Variants in HPSE2 observed in about 807,000 individuals in gnomAD.
The protein encoded by HPSE2 is heparanase 2 (inactive).
HPSE2 carries 38 observed loss-of-function variants against 60.5 expected under a neutral mutation model. That is an observed-to-expected ratio of 0.63 (90% CI 0.48 to 0.82). The LOEUF (loss-of-function observed/expected upper bound fraction) is 0.82. Among genes scored for constraint, HPSE2 ranks in the 40% least tolerant of loss-of-function variants. The pLI is 0.00. For synonymous variants in HPSE2, 295 were observed against 293.2 expected (o/e 1.01, Z -0.06); for missense variants, 713 against 740.4 (o/e 0.96, Z 0.43).
At position 98,748,913 on chromosome 10, in the gene HPSE2, A is replaced by C. The variant is rs1949690188; in HGVS notation, c.611-4857T>G. ...AAACCATTAGATTAATCAAACAGTG[A>C]GGTTAGAAATTAGATTTAGGTTGTG... is the stretch of plus-strand genomic sequence containing the variant. On this transcript the variant is annotated intron_variant, in intron 3 of 11. Transcript: ENST00000370552. Among the ~76,000 whole-genome samples the C allele has an allele frequency of 2.0e-5, 3 of 152,140 alleles. No individual in the cohort carries two copies. In the South Asian group the frequency reaches 6.2e-4, roughly 32 times the overall value.
At chr10:98,955,063 G>A (rs932902164) in intron 3 of HPSE2, among the ~76,000 whole-genome samples, 2 of 150,936 alleles carry the variant, frequency 1.3e-5, no homozygotes, top group Non-Finnish European at 2.9e-5. Flanking sequence ...CAAAAGAATG[G>A]TGATTCACTG....
intron 4 of HPSE2, among the ~76,000 whole-genome samples, chr10:98,725,219 T>C (rs1346906051): frequency 3.3e-5 from 5 of 152,096 alleles, no homozygotes; most frequent in South Asian, 2.1e-4. Context: ...GGAGGCATCA[T>C]GCTACCTGAC....
At chr10:98,496,893 TA>T (rs992956302) in intron 9 of HPSE2, among the ~76,000 whole-genome samples, 118 of 151,572 alleles carry the variant, frequency 7.8e-4, no homozygotes, top group African/African-American at 2.3e-3. Flanking sequence ...CATGGAGAAT[TA>T]AAAAAAAATT....
At chr10:98,814,793 A>C (rs1404123829) in intron 3 of HPSE2, among the ~76,000 whole-genome samples, 2 of 152,178 alleles carry the variant, frequency 1.3e-5, no homozygotes, top group African/African-American at 4.8e-5. Flanking sequence ...TAAAACAGCC[A>C]TTATTTGTTG....
intron 9 of HPSE2, among the ~76,000 whole-genome samples, chr10:98,491,212 T>C (rs901143431): frequency 2.7e-4 from 41 of 152,146 alleles, no homozygotes; most frequent in Non-Finnish European, 2.9e-5. Context: ...GATAATCTTT[T>C]TTTTTTTTCT....
At chr10:98,803,415 G>A (rs1476974906) in intron 3 of HPSE2, among the ~76,000 whole-genome samples, 2 of 150,972 alleles carry the variant, frequency 1.3e-5, no homozygotes, top group Non-Finnish European at 2.9e-5. Context: ...GTCCTGAATG[G>A]TAATGCCTAG....
chr10:98,689,166 TA>T (rs962589609), intron 6 of HPSE2, among the ~76,000 whole-genome samples: 13 of 151,146 alleles, frequency 8.6e-5, no homozygotes, highest in South Asian at 2.1e-4. Context: ...AGCTTTGATT[TA>T]AAAAAAAAAT....
chr10:98,833,463 A>G (rs1951726644), intron 3 of HPSE2, among the ~76,000 whole-genome samples: 3 of 152,216 alleles, frequency 2.0e-5, no homozygotes, highest in Admixed American at 6.5e-5. Flanking sequence ...GTTTTAAAAC[A>G]TTACTATCAA....
chr10:99,165,326 A>C (rs939232873), intron 2 of HPSE2, among the ~76,000 whole-genome samples: 7 of 151,930 alleles, frequency 4.6e-5, no homozygotes, highest in African/African-American at 1.7e-4. Context: ...ATTCAAAATA[A>C]AGTTATTCAG....
intron 2 of HPSE2, among the ~76,000 whole-genome samples, chr10:99,164,666 T>C (rs1282555124): frequency 2.0e-5 from 3 of 152,202 alleles, no homozygotes; most frequent in South Asian, 2.1e-4. Flanking sequence ...ATAATATCTA[T>C]ATTTATTTCA....
intron 9 of HPSE2, among the ~76,000 whole-genome samples, chr10:98,605,518 T>C (rs1386864929): frequency 6.6e-6 from 1 of 152,244 alleles, no homozygotes; most frequent in African/African-American, 2.4e-5. Flanking sequence ...CCAAATGTTC[T>C]GCCATTCTCG....
intron 3 of HPSE2, among the ~76,000 whole-genome samples, chr10:98,968,831 T>C (rs1275205666): frequency 6.6e-6 from 1 of 151,286 alleles, no homozygotes; most frequent in Non-Finnish European, 1.5e-5. Context: ...TAATAGACTC[T>C]GGGGAGTTGG....
chr10:98,925,119 T>A (rs1175349170), intron 3 of HPSE2, among the ~76,000 whole-genome samples: 18 of 152,216 alleles, frequency 1.2e-4, no homozygotes, highest in Admixed American at 1.2e-3. Context: ...GTGTCAGTGA[T>A]TCTAAAGTAT....
At chr10:98,608,121 C>T (rs1471801217) in intron 9 of HPSE2, among the ~76,000 whole-genome samples, 1 of 152,118 alleles carries the variant, frequency 6.6e-6, no homozygotes, top group Non-Finnish European at 1.5e-5. Flanking sequence ...AATCCAAGGA[C>T]ATATAGCTAG....
chr10:98,474,773 C>A (rs930396722), intron 11 of HPSE2, among the ~76,000 whole-genome samples: 2 of 151,982 alleles, frequency 1.3e-5, no homozygotes, highest in Admixed American at 6.5e-5. Flanking sequence ...TAATATGGAA[C>A]CTATTAGCCC....
chr10:99,104,667 G>A (rs1264762745), intron 3 of HPSE2, among the ~76,000 whole-genome samples: 2 of 152,148 alleles, frequency 1.3e-5, no homozygotes, highest in Admixed American at 6.5e-5. Context: ...CAACCCAAAT[G>A]TCCATCAATG....
chr10:99,049,453 A>C (rs976393094), intron 3 of HPSE2, among the ~76,000 whole-genome samples: 1 of 152,192 alleles, frequency 6.6e-6, no homozygotes, highest in South Asian at 2.1e-4. Context: ...ACATCAAGAG[A>C]TCCAAACCTA....
intron 9 of HPSE2, among the ~76,000 whole-genome samples, chr10:98,569,724 C>T (rs531002): frequency 0.86 from 130,527 of 152,084 alleles, 57,036 homozygotes; most frequent in East Asian, 1. Flanking sequence ...GGGACTAGGC[C>T]CAGGGATGCA....
chr10:98,538,326 A>AT (rs1355209084), intron 9 of HPSE2, among the ~76,000 whole-genome samples: 1 of 152,178 alleles, frequency 6.6e-6, no homozygotes, highest in Non-Finnish European at 1.5e-5. Context: ...CAAATAGATA[A>AT]TAGTCTCCTT....
Sources: allele counts gnomAD v4.1 joint callset (sites outside exome capture counted in the v4.1 genomes callset), GRCh38; gene constraint gnomAD v4.1.1; transcripts MANE v1.5; gene names NCBI Gene and HGNC (gene_info 2026-07-23, HGNC 2026-07-21).